KIAA0753: variants seen among roughly 807,000 people sequenced by gnomAD.
The protein encoded by KIAA0753 is protein moonraker.
A neutral mutation model predicts 116.9 loss-of-function variants in KIAA0753; 114 were observed. The observed-to-expected ratio is 0.98, with a 90% CI of 0.84 to 1.14. KIAA0753 has a LOEUF of 1.14. Ranked by LOEUF, KIAA0753 falls within the 50% of genes most tolerant of loss-of-function variation. The pLI is 0.00. For synonymous variants in KIAA0753, 405 were observed against 413.1 expected, an observed-to-expected ratio of 0.98 and a Z score of 0.24; for missense variants, 1,156 against 1,172.4, an observed-to-expected ratio of 0.99 and a Z score of 0.20.
chr17:6,597,271 T>C (rs896951822), intron 14 of KIAA0753, among the ~76,000 whole-genome samples: 2 of 151,978 alleles, frequency 1.3e-5, no homozygotes, highest in Non-Finnish European at 1.5e-5. Flanking sequence ...AATAAAGATA[T>C]GAAAAAATGT....
chr17:6,608,912 T>A (rs1363256912), intron 9 of KIAA0753, among the ~76,000 whole-genome samples: 1 of 152,200 alleles, frequency 6.6e-6, no homozygotes, highest in African/African-American at 2.4e-5. Flanking sequence ...TGGTTTGTAA[T>A]ACAAACTTCA....
At chr17:6,620,101 C>G (rs1971199778) in intron 7 of KIAA0753, among the ~76,000 whole-genome samples, 1 of 152,044 alleles carries the variant, frequency 6.6e-6, no homozygotes, top group Non-Finnish European at 1.5e-5. Flanking sequence ...AGAATATGAA[C>G]AGGCAAATTA....
intron 3 of KIAA0753, 92 bp downstream of exon 3, chr17:6,628,025 T>A: frequency 8.2e-7 from 1 of 1,216,382 alleles, no homozygotes; most frequent in Non-Finnish European, 1.2e-6. Flanking sequence ...AAGAATGAAA[T>A]TGCTATAGGG....
At chr17:6,623,201 TGC>T in intron 5 of KIAA0753, 104 bp from the exon 6 acceptor site, 1 of 1,152,256 alleles carries the variant, frequency 8.7e-7, no homozygotes. Flanking sequence ...CTGTATAAAG[TGC>T]TTTCTATTGT....
At chr17:6,583,665 A>G (rs537994246) in intron 18 of KIAA0753, among the ~76,000 whole-genome samples, 1 of 152,254 alleles carries the variant, frequency 6.6e-6, no homozygotes, top group South Asian at 2.1e-4. Context: ...TTCATTTCAG[A>G]AACTTTATCT....
chr17:6,633,362 A>T, intron 2 of KIAA0753, among the ~76,000 whole-genome samples: 1 of 152,194 alleles, frequency 6.6e-6, no homozygotes, highest in Non-Finnish European at 1.5e-5. Context: ...TTAAACACCC[A>T]CCAGAATGGC....
intron 13 of KIAA0753, among the ~76,000 whole-genome samples, chr17:6,599,912 C>T (rs964589047): frequency 1.3e-5 from 2 of 152,006 alleles, no homozygotes; most frequent in Non-Finnish European, 2.9e-5. Context: ...GAGCTTACTG[C>T]TTATGGGAGG....
Position 6,595,030 on chromosome 17 carries a change from T to C in KIAA0753, c.2382A>G (p.Gln794=). ...CAGCATATGCGATTTTATTATATCTTTGACGAACAGACTCCTGGTATTTCT... is the reference window on the plus strand; with the variant it reads ...CAGCATATGCGATTTTATTATATCTCTGACGAACAGACTCCTGGTATTTCT... ...EMEKYQESVR[Q]RYNKIAYADP... is the part of the protein sequence containing the mutation. Residue 794 remains glutamine, a synonymous_variant, in exon 16 of 19, where the codon CAA becomes CAG. Coordinates refer to ENST00000361413, the MANE Select transcript of KIAA0753 (RefSeq NM_014804.3). 1.2e-6 allele frequency: 2 copies of C among 1,611,084 alleles called. No individual in the cohort carries two copies. The highest frequency in any genetic ancestry group is 2.2e-5 in the South Asian group (2 of 90,504).
chr17:6,593,822 T>C (rs917974016), intron 16 of KIAA0753, among the ~76,000 whole-genome samples: 3 of 152,262 alleles, frequency 2.0e-5, no homozygotes, highest in Admixed American at 1.3e-4. Context: ...GAGGTAGAGG[T>C]TGTGGTGAGC....
At chr17:6,589,628 G>T (rs1409015555) in intron 18 of KIAA0753, 151 bp downstream of exon 18, 1 of 566,544 alleles carries the variant, frequency 1.8e-6, no homozygotes, top group African/African-American at 2.0e-5. Context: ...TGAAAATAGA[G>T]AGCCTGTCTC....
intron 18 of KIAA0753, among the ~76,000 whole-genome samples, chr17:6,580,612 G>A (rs1462139526): frequency 2.0e-5 from 3 of 152,064 alleles, no homozygotes; most frequent in Admixed American, 6.6e-5. Context: ...CACTGTGCCC[G>A]GCCAAGATAC....
chr17:6,631,551 C>T (rs1244026716), intron 2 of KIAA0753, among the ~76,000 whole-genome samples: 1 of 151,790 alleles, frequency 6.6e-6, no homozygotes, highest in Admixed American at 6.6e-5. Flanking sequence ...GGCAGACAGA[C>T]ACAGAAAGAT....
chr17:6,591,048 A>G (rs201906142), intron 16 of KIAA0753, among the ~76,000 whole-genome samples: 3 of 28,728 alleles, frequency 1.0e-4, no homozygotes, highest in Non-Finnish European at 2.5e-4. Context: ...AAGGAAGAAG[A>G]AGAAGAAGAA....
At chr17:6,626,448 A>G (rs1461160916) in intron 3 of KIAA0753, among the ~76,000 whole-genome samples, 1 of 152,194 alleles carries the variant, frequency 6.6e-6, no homozygotes, top group Non-Finnish European at 1.5e-5. Context: ...CTATATGTCT[A>G]ATTACTTTCA....
In KIAA0753 at chr17:6,622,889, T is replaced by G. The variant is rs1971420036; in HGVS notation, c.1097A>C (p.Gln366Pro). 1.9e-6 allele frequency: 3 copies of G among 1,610,856 alleles called. No homozygotes were observed. The highest frequency in any genetic ancestry group is 1.7e-5 in the Admixed American group (1 of 59,986). Residue 366 changes from glutamine (Q) to proline (P), a missense_variant, in exon 6 of 19, where the codon CAA becomes CCA. Gln to Pro is a moderately conservative substitution (Grantham distance 76). Coordinates refer to ENST00000361413, the MANE Select transcript of KIAA0753 (RefSeq NM_014804.3). ...VPDVVIDILQQIEALESLLEK... is the reference protein window; with the variant it reads ...VPDVVIDILQPIEALESLLEK... Reference sequence around the variant, plus strand: ...TTGGAATTAATTCCATACCTCAATTTGTTGCAGAATATCTATAACCACATC... The same window carrying G: ...TTGGAATTAATTCCATACCTCAATTGGTTGCAGAATATCTATAACCACATC...
intron 7 of KIAA0753, among the ~76,000 whole-genome samples, chr17:6,615,823 C>G (rs1970886908): frequency 6.6e-6 from 1 of 152,118 alleles, no homozygotes; most frequent in African/African-American, 2.4e-5. Flanking sequence ...TGACAAGTTA[C>G]ACTAATGCAA....
At chr17:6,593,526 G>A (rs1156734182) in intron 16 of KIAA0753, among the ~76,000 whole-genome samples, 6 of 151,694 alleles carry the variant, frequency 4.0e-5, no homozygotes, top group Non-Finnish European at 5.9e-5. Flanking sequence ...GAGGCCAGGC[G>A]CAATGGCTCA....
At chr17:6,623,207 CTAT>C in intron 5 of KIAA0753, 110 bp from the exon 6 acceptor site, 1 of 1,129,242 alleles carries the variant, frequency 8.9e-7, no homozygotes. Flanking sequence ...AAAGTGCTTT[CTAT>C]TGTGAAAACT....
intron 12 of KIAA0753, among the ~76,000 whole-genome samples, chr17:6,601,666 T>A (rs900695372): frequency 6.6e-6 from 1 of 152,114 alleles, no homozygotes; most frequent in African/African-American, 2.4e-5. Flanking sequence ...TCTAAATGGA[T>A]AACAGACACA....
Sources: allele counts gnomAD v4.1 joint callset (sites outside exome capture counted in the v4.1 genomes callset), GRCh38; gene constraint gnomAD v4.1.1; transcripts MANE v1.5; gene names NCBI Gene and HGNC (gene_info 2026-07-23, HGNC 2026-07-21).